Variants in GRAMD4 observed in about 807,000 individuals in gnomAD.
GRAMD4 encodes the protein GRAM domain containing 4.
Under a neutral mutation model 83.9 loss-of-function variants are expected in GRAMD4, and 25 were observed. The observed-to-expected ratio is 0.30, with a 90% CI of 0.22 to 0.42. GRAMD4 has a LOEUF of 0.42. Among genes scored for constraint, GRAMD4 ranks in the 10% least tolerant of loss-of-function variants. The pLI is 1.00. For synonymous variants in GRAMD4, 336 were observed against 320.9 expected (o/e 1.05, Z -0.50); for missense variants, 593 against 788.7 (o/e 0.75, Z 2.97).
At chr22:46,624,765 C>G (rs969524578) in intron 1 of GRAMD4, among the ~76,000 whole-genome samples, 1 of 152,198 alleles carries the variant, frequency 6.6e-6, no homozygotes, top group African/African-American at 2.4e-5. Context: ...GTTGCTACCT[C>G]CCCATCACCC....
At chr22:46,680,332 C>T (rs1278013539), downstream of GRAMD4, among the ~76,000 whole-genome samples, 4 of 152,022 alleles carry the variant, frequency 2.6e-5, no homozygotes, top group Non-Finnish European at 5.9e-5. Context: ...GTGCCAGGTG[C>T]ACCTGGTGCT....
At chr22:46,660,751 C>G (rs1297375662) in intron 4 of GRAMD4, among the ~76,000 whole-genome samples, 1 of 152,178 alleles carries the variant, frequency 6.6e-6, no homozygotes, top group Non-Finnish European at 1.5e-5. Flanking sequence ...GTTCTCTTCT[C>G]AGGGTTTACT....
intron 6 of GRAMD4, among the ~76,000 whole-genome samples, 159 bp downstream of exon 6, chr22:46,663,331 C>A (rs1261749247): frequency 6.6e-6 from 1 of 152,196 alleles, no homozygotes; most frequent in African/African-American, 2.4e-5. Flanking sequence ...CTTCTGGGGG[C>A]CGTGCCTGGC....
downstream of GRAMD4, among the ~76,000 whole-genome samples, chr22:46,680,734 CCACCCA>C: frequency 2.5e-5 from 3 of 119,786 alleles, no homozygotes; most frequent in Admixed American, 8.0e-5. Flanking sequence ...ACCCATCCAT[CCACCCA>C]CCCATCCATC....
rs138467 is a variant in GRAMD4 at position 46,647,707 on chromosome 22, A to T, written c.283+9747A>T. Among the ~76,000 whole-genome samples the T allele has an allele frequency of 1.3e-3, 199 of 152,368 alleles. 1 individual carries two copies. Among genetic ancestry groups the T allele is most frequent in the African/African-American group, 4.5e-3 (188 of 41,592 alleles). ...GCCCACCTCTGTGACCTCTCTAGTC[A>T]CTGCGTCCCGCCCTGCTGAACACAT... On this transcript the variant is annotated intron_variant, in intron 3 of 18. Coordinates refer to ENST00000406902, the MANE Select transcript of GRAMD4 (RefSeq NM_015124.5).
upstream of GRAMD4, among the ~76,000 whole-genome samples, chr22:46,576,443 G>T (rs2081043166): frequency 6.6e-6 from 1 of 152,162 alleles, no homozygotes; most frequent in Non-Finnish European, 1.5e-5. Context: ...CCCCTCTACG[G>T]GTGTCCTGCC....
At chr22:46,603,588 C>T (rs988109422) in intron 1 of GRAMD4, among the ~76,000 whole-genome samples, 8 of 145,674 alleles carry the variant, frequency 5.5e-5, no homozygotes, top group African/African-American at 1.8e-4. Context: ...GCGATCCTGG[C>T]TCACTGCAAG....
chr22:46,676,650 G>A lies in GRAMD4; in HGVS notation c.1614G>A (p.Ser538=), dbSNP rs1029660373. ...LPGSGMGIAV[S]TPSTQKPLVF... The stretch of plus-strand genomic sequence containing the variant: ...GCTCAGGCATGGGGATTGCCGTGTC[G>A]ACGCCATCCACCCAGAAAGTAGGTG... The change falls in exon 18 of 19, where the codon TCG becomes TCA. Residue 538 remains serine, a synonymous_variant. Coordinates refer to ENST00000406902, the MANE Select transcript of GRAMD4 (RefSeq NM_015124.5). 5.8e-5 allele frequency: 90 copies of A among 1,548,618 alleles called. No individual in the cohort carries two copies. The Admixed American group carries it at 1.5e-3, about 27-fold the overall frequency.
chr22:46,639,892 C>T (rs184148074), intron 3 of GRAMD4, among the ~76,000 whole-genome samples: 52 of 152,228 alleles, frequency 3.4e-4, no homozygotes, highest in Admixed American at 2.7e-3. Context: ...GGGGCTGGCC[C>T]GCATGGGCTG....
upstream of GRAMD4, among the ~76,000 whole-genome samples, chr22:46,619,390 G>A (rs371348124): frequency 1.9e-3 from 292 of 152,302 alleles, 2 homozygotes; most frequent in African/African-American, 6.5e-3. Context: ...AGGCTGGAGT[G>A]CAGTGGTACG....
Position 46,679,492 on chromosome 22 carries a change from G to C in GRAMD4, c.*2241G>C. The C allele has an allele frequency of 2.0e-6, 2 of 985,624 alleles. No homozygotes were observed. The highest frequency in any genetic ancestry group is 2.4e-6 in the Non-Finnish European group (2 of 829,896). 61.1% of individuals were successfully genotyped at this position (985,624 alleles called of 1,614,324 possible). On this transcript the variant is annotated 3_prime_UTR_variant, in exon 19 of 19. Transcript: ENST00000406902. ...ACGGGCTCTGGGCTCCCCGTGGAGAGAAGCTGTAGTTTTTACCAAATTGTG... is the reference window on the plus strand; with the variant it reads ...ACGGGCTCTGGGCTCCCCGTGGAGACAAGCTGTAGTTTTTACCAAATTGTG...
intron 1 of GRAMD4, among the ~76,000 whole-genome samples, chr22:46,613,450 A>G (rs1291322142): frequency 1.3e-5 from 2 of 152,236 alleles, no homozygotes; most frequent in Non-Finnish European, 2.9e-5. Flanking sequence ...GAGGGCCAGG[A>G]TGCAACCCCT....
upstream of GRAMD4, among the ~76,000 whole-genome samples, chr22:46,576,485 G>A (rs951397647): frequency 6.6e-6 from 1 of 152,226 alleles, no homozygotes; most frequent in Non-Finnish European, 1.5e-5. Flanking sequence ...ATGCAGGGGT[G>A]TGGGTGAGAT....
At chr22:46,620,152 A>G (rs992339580), upstream of GRAMD4, 3 of 193,330 alleles carry the variant, frequency 1.6e-5, no homozygotes, top group African/African-American at 7.1e-5. This position sits in a 1 kb window ranked among gnomAD's most constrained non-coding sequence, Gnocchi z 4.7. Flanking sequence ...GGGAAGGGGA[A>G]ATAAAGTCCT....
At chr22:46,664,380 T>C (rs2542034) in intron 8 of GRAMD4, among the ~76,000 whole-genome samples, 81,766 of 152,164 alleles carry the variant, frequency 0.54, 22,678 homozygotes, top group African/African-American at 0.66. Context: ...GGTGCAGCCT[T>C]GTCCCCCAGG....
At chr22:46,666,526 G>A (rs1367992503) in intron 9 of GRAMD4, among the ~76,000 whole-genome samples, 1 of 150,204 alleles carries the variant, frequency 6.7e-6, no homozygotes, top group African/African-American at 2.4e-5. Flanking sequence ...GATCAGCTTG[G>A]ACACTTGCTG....
intron 13 of GRAMD4, among the ~76,000 whole-genome samples, chr22:46,671,449 G>A (rs1009816709): frequency 6.6e-6 from 1 of 152,068 alleles, no homozygotes; most frequent in Non-Finnish European, 1.5e-5. Flanking sequence ...ACTCCAGCCT[G>A]GGCGACAGAG....
At chr22:46,654,274 C>T (rs1230204304) in intron 3 of GRAMD4, among the ~76,000 whole-genome samples, 1 of 152,214 alleles carries the variant, frequency 6.6e-6, no homozygotes, top group Non-Finnish European at 1.5e-5. Context: ...CCAGGCTCCT[C>T]CTGCCTTGGG....
chr22:46,627,928 G>A (rs1027734536), intron 2 of GRAMD4, among the ~76,000 whole-genome samples: 2 of 152,248 alleles, frequency 1.3e-5, no homozygotes, highest in African/African-American at 4.8e-5. Context: ...CCATCCCCAG[G>A]CAAAGGTTGT....
Sources: gnomAD v4.1 joint callset for allele counts (sites outside exome capture counted in the v4.1 genomes callset) on GRCh38, gnomAD v4.1.1 for gene constraint, Gnocchi (gnomAD v3.1) non-coding constraint, MANE v1.5 for transcripts, NCBI Gene and HGNC (gene_info 2026-07-23, HGNC 2026-07-21) for gene names.